Variants in SCFD2 observed in about 807,000 individuals in gnomAD.
SCFD2 encodes sec1 family domain containing 2.
In SCFD2, 54 loss-of-function variants were observed where a neutral mutation model predicts 58.9. That is an observed-to-expected ratio of 0.92 (90% CI 0.74 to 1.15). The LOEUF (loss-of-function observed/expected upper bound fraction) is 1.15, where lower values mean the gene tolerates loss of function less well. SCFD2 is among the 50% of genes most tolerant of loss of function. The pLI is 0.00. For synonymous variants in SCFD2, 321 were observed against 335.9 expected, an observed-to-expected ratio of 0.96 and a Z score of 0.49; for missense variants, 805 against 836.6, an observed-to-expected ratio of 0.96 and a Z score of 0.47.
chr4:52,899,162 AT>A (rs1182908480), intron 7 of SCFD2, among the ~76,000 whole-genome samples: 1 of 152,152 alleles, frequency 6.6e-6, no homozygotes, highest in African/African-American at 2.4e-5. Context: ...TAAGGTTAGT[AT>A]TGTAATGTGT....
intron 2 of SCFD2, among the ~76,000 whole-genome samples, chr4:53,335,405 G>C (rs1733652339): frequency 6.6e-6 from 1 of 152,138 alleles, no homozygotes; most frequent in Non-Finnish European, 1.5e-5. Flanking sequence ...TGAAGACTAA[G>C]AGGGAATGAC....
intron 6 of SCFD2, among the ~76,000 whole-genome samples, chr4:52,912,958 T>C (rs1202462005): frequency 1.3e-5 from 2 of 152,186 alleles, no homozygotes; most frequent in Non-Finnish European, 2.9e-5. Context: ...AGCCATATAG[T>C]TTGTCTCCAT....
At chr4:52,891,332 A>G (rs1718872522) in intron 7 of SCFD2, among the ~76,000 whole-genome samples, 1 of 152,196 alleles carries the variant, frequency 6.6e-6, no homozygotes, top group Non-Finnish European at 1.5e-5. Context: ...GGAGAGTGAC[A>G]GTCAATAAAA....
At chr4:52,921,734 G>T (rs28610009) in intron 5 of SCFD2, among the ~76,000 whole-genome samples, 1 of 152,086 alleles carries the variant, frequency 6.6e-6, no homozygotes, top group Non-Finnish European at 1.5e-5. Context: ...GAGTGGTAAA[G>T]TTTCTGTGTA....
intron 3 of SCFD2, among the ~76,000 whole-genome samples, chr4:53,278,528 CAAA>C (rs34375006): frequency 1.7e-5 from 2 of 119,362 alleles, no homozygotes; most frequent in African/African-American, 3.1e-5. Context: ...GACTCCATCT[CAAA>C]AAAAAAAAAA....
At position 53,177,836 on chromosome 4, in the gene SCFD2, T is replaced by C. The variant is rs574387843; in HGVS notation, c.1312-32254A>G. On this transcript the variant is annotated intron_variant, in intron 4 of 8. Coordinates refer to ENST00000401642, the MANE Select transcript of SCFD2 (RefSeq NM_152540.4). ...GCACTTTTCTGATGGGCTTAAAAAATGGCACACCAGGAGATTATATCCTGC... is the reference window on the plus strand; with the variant it reads ...GCACTTTTCTGATGGGCTTAAAAAACGGCACACCAGGAGATTATATCCTGC... 9.9e-5 allele frequency among the ~76,000 whole-genome samples: 15 copies of C among 152,276 alleles called. No homozygotes were observed. The South Asian group carries it at 2.9e-3, about 29-fold the overall frequency.
At chr4:53,043,583 G>A (rs1173091363) in intron 5 of SCFD2, among the ~76,000 whole-genome samples, 5 of 152,172 alleles carry the variant, frequency 3.3e-5, no homozygotes, top group Admixed American at 3.3e-4. Flanking sequence ...GGTCAGAGCA[G>A]TGGAAGGTGT....
chr4:53,177,466 C>T (rs185782807), intron 4 of SCFD2, among the ~76,000 whole-genome samples: 1 of 151,688 alleles, frequency 6.6e-6, no homozygotes, highest in Admixed American at 6.6e-5. Context: ...TGTTTTGTAA[C>T]TCAAAGTAAA....
At chr4:53,259,379 T>G (rs1730759269) in intron 4 of SCFD2, among the ~76,000 whole-genome samples, 1 of 152,248 alleles carries the variant, frequency 6.6e-6, no homozygotes. Flanking sequence ...TTGATCCATC[T>G]TGAGTTGATT....
intron 4 of SCFD2, among the ~76,000 whole-genome samples, chr4:53,256,947 C>T (rs1191804721): frequency 1.3e-5 from 2 of 148,886 alleles, no homozygotes; most frequent in East Asian, 4.0e-4. Context: ...AGAGGGAGAG[C>T]TAAACCTTTT....
At chr4:53,068,807 A>G (rs1484592889) in intron 5 of SCFD2, among the ~76,000 whole-genome samples, 1 of 152,042 alleles carries the variant, frequency 6.6e-6, no homozygotes, top group Non-Finnish European at 1.5e-5. Context: ...TCATTCTTTT[A>G]CATATATTTA....
chr4:53,076,457 T>C (rs1723978000), intron 5 of SCFD2, among the ~76,000 whole-genome samples: 1 of 152,082 alleles, frequency 6.6e-6, no homozygotes, highest in Admixed American at 6.6e-5. Flanking sequence ...GAGCACACCA[T>C]TATTTATGAA....
chr4:53,215,629 C>T (rs1429694065), intron 4 of SCFD2, among the ~76,000 whole-genome samples: 3 of 152,064 alleles, frequency 2.0e-5, no homozygotes, highest in East Asian at 1.9e-4. Context: ...TAACTGAATG[C>T]CCTTTATTTC....
At chr4:53,162,278 T>C (rs1411785477) in intron 4 of SCFD2, among the ~76,000 whole-genome samples, 3 of 152,154 alleles carry the variant, frequency 2.0e-5, no homozygotes, top group African/African-American at 2.4e-5. Flanking sequence ...TTAGGAGATA[T>C]ATGAGAAGAT....
chr4:53,000,592 C>T (rs991222086), intron 5 of SCFD2, among the ~76,000 whole-genome samples: 21 of 152,196 alleles, frequency 1.4e-4, no homozygotes, highest in African/African-American at 4.8e-4. Flanking sequence ...GTCCTGAGTT[C>T]CAAAGTTCCC....
At chr4:53,178,639 G>C (rs1727429227) in intron 4 of SCFD2, among the ~76,000 whole-genome samples, 1 of 152,220 alleles carries the variant, frequency 6.6e-6, no homozygotes, top group South Asian at 2.1e-4. Flanking sequence ...ATGGAACAAA[G>C]CTGGACGGAG....
At chr4:53,076,609 T>C (rs1165224860) in intron 5 of SCFD2, among the ~76,000 whole-genome samples, 1 of 152,026 alleles carries the variant, frequency 6.6e-6, no homozygotes, top group Non-Finnish European at 1.5e-5. Flanking sequence ...GAAAATGAGG[T>C]GGACGGACCA....
At chr4:53,008,263 A>G (rs1257062965) in intron 5 of SCFD2, among the ~76,000 whole-genome samples, 1 of 152,160 alleles carries the variant, frequency 6.6e-6, no homozygotes, top group East Asian at 1.9e-4. Context: ...ATGCCTCTGC[A>G]TTAGCCAATC....
intron 2 of SCFD2, among the ~76,000 whole-genome samples, chr4:53,345,501 A>T (rs1336228140): frequency 6.6e-6 from 1 of 152,176 alleles, no homozygotes; most frequent in Non-Finnish European, 1.5e-5. Flanking sequence ...TGTTGGTGGG[A>T]GTGTAAATTA....
Sources: gnomAD v4.1 joint callset for allele counts (sites outside exome capture counted in the v4.1 genomes callset) on GRCh38, gnomAD v4.1.1 for gene constraint, MANE v1.5 for transcripts, NCBI Gene and HGNC (gene_info 2026-07-23, HGNC 2026-07-21) for gene names.